Variants in YEATS4 observed in about 807,000 individuals in gnomAD.
YEATS4 encodes YEATS domain-containing protein 4.
A neutral mutation model predicts 30.1 loss-of-function variants in YEATS4; 17 were observed. The observed-to-expected ratio is 0.56, with a 90% CI of 0.39 to 0.85. The LOEUF is 0.85. Among genes scored for constraint, YEATS4 ranks in the 40% least tolerant of loss-of-function variants. YEATS4 has a pLI of 0.00. For missense variants in YEATS4, 142 were observed against 268.3 expected, an observed-to-expected ratio of 0.53 and a Z score of 3.29; for synonymous variants, 85 against 87.5, an observed-to-expected ratio of 0.97 and a Z score of 0.16.
intron 6 of YEATS4, among the ~76,000 whole-genome samples, chr12:69,375,167 G>A (rs1331205868): frequency 1.0e-4 from 15 of 148,030 alleles, no homozygotes; most frequent in African/African-American, 3.8e-4. Context: ...CCGGGCGTAG[G>A]GGCTCCTCAC....
rs1875107098 is a variant in YEATS4 at position 69,359,829 on chromosome 12, C to G, written c.-144C>G. 2 of 940,638 alleles carry G rather than the reference C, an allele frequency of 2.1e-6. No individual in the cohort carries two copies. Among genetic ancestry groups the G allele is most frequent in the Non-Finnish European group, 3.2e-6 (2 of 631,768 alleles). 58.3% of individuals were successfully genotyped at this position (940,638 alleles called of 1,614,324 possible). A position where few individuals can be genotyped will look rare whatever the true frequency, so the allele number is the denominator to read the frequency against. On this transcript the variant is annotated 5_prime_UTR_variant, in exon 1 of 7. Transcript: ENST00000247843. ...TGAGGAGTTGACGGTTACTCACCGCCGTGAGCCCAAGTAACTCGCCCTCCT... is the reference window on the plus strand; with the variant it reads ...TGAGGAGTTGACGGTTACTCACCGCGGTGAGCCCAAGTAACTCGCCCTCCT...
chr12:69,376,899 G>C (rs1341314675), intron 6 of YEATS4, among the ~76,000 whole-genome samples: 1 of 152,088 alleles, frequency 6.6e-6, no homozygotes, highest in South Asian at 2.1e-4. Context: ...GGTCTGTTCA[G>C]GTTTTGGATT....
chr12:69,359,767 G>A lies in YEATS4; in HGVS notation c.-206G>A. On this transcript the variant is annotated 5_prime_UTR_variant, in exon 1 of 7. Transcript: ENST00000247843. ...CCTCTTTTCGCGGCGTTCTCCACCT[G>A]CGCGGGCCTGAATGGCCTTCAGGAG... 4 of 590,140 alleles carry A rather than the reference G, an allele frequency of 6.8e-6. No individual in the cohort carries two copies. The South Asian group carries it at 9.0e-5, about 13-fold the overall frequency. 36.6% of individuals were successfully genotyped at this position (590,140 alleles called of 1,614,324 possible).
At chr12:69,366,664 G>T (rs1875446472) in intron 4 of YEATS4, among the ~76,000 whole-genome samples, 1 of 151,994 alleles carries the variant, frequency 6.6e-6, no homozygotes, top group African/African-American at 2.4e-5. Context: ...TGTGGCTGGG[G>T]TTTAACTCCA....
chr12:69,412,710 T>C, the YEATS4 span, among the ~76,000 whole-genome samples: 1 of 151,982 alleles, frequency 6.6e-6, no homozygotes, highest in Non-Finnish European at 1.5e-5. Flanking sequence ...AGTCAAACAC[T>C]GAGAGAGTTG....
At chr12:69,389,890 TTA>T (rs1397083190) in intron 6 of YEATS4, among the ~76,000 whole-genome samples, 1 of 152,078 alleles carries the variant, frequency 6.6e-6, no homozygotes, top group Non-Finnish European at 1.5e-5. Flanking sequence ...AAAAAGGACA[TTA>T]TGTCTTAAAA....
the YEATS4 span, among the ~76,000 whole-genome samples, chr12:69,420,692 A>G: frequency 2.0e-5 from 3 of 152,212 alleles, no homozygotes; most frequent in African/African-American, 7.2e-5. Flanking sequence ...CAGAAGGAAC[A>G]CAGCCAGCAA....
chr12:69,400,110 T>C, the YEATS4 span, among the ~76,000 whole-genome samples: 1 of 152,068 alleles, frequency 6.6e-6, no homozygotes, highest in Non-Finnish European at 1.5e-5. Context: ...TACTTTATGG[T>C]ATGTGAATTA....
the YEATS4 span, among the ~76,000 whole-genome samples, chr12:69,417,400 T>C: frequency 6.6e-6 from 1 of 151,916 alleles, no homozygotes; most frequent in South Asian, 2.1e-4. Flanking sequence ...GCTCAAGTAA[T>C]CCTCCCGCCT....
At chr12:69,381,155 T>G (rs970355604) in intron 6 of YEATS4, among the ~76,000 whole-genome samples, 2 of 152,120 alleles carry the variant, frequency 1.3e-5, no homozygotes, top group Non-Finnish European at 2.9e-5. Flanking sequence ...TACGGGAGAC[T>G]GGGGCTAATT....
At chr12:69,398,037 A>T in the YEATS4 span, among the ~76,000 whole-genome samples, 8 of 152,310 alleles carry the variant, frequency 5.3e-5, no homozygotes, top group East Asian at 3.9e-4. Flanking sequence ...GTTTATAATT[A>T]AAAAAACACT....
the YEATS4 span, among the ~76,000 whole-genome samples, chr12:69,416,830 C>T: frequency 5.9e-5 from 9 of 152,182 alleles, no homozygotes; most frequent in South Asian, 6.2e-4. Flanking sequence ...CCCAGCACTT[C>T]GGGAGGCCGA....
At chr12:69,414,655 T>C in the YEATS4 span, among the ~76,000 whole-genome samples, 1 of 152,244 alleles carries the variant, frequency 6.6e-6, no homozygotes, top group Non-Finnish European at 1.5e-5. Flanking sequence ...TTGAGTTTGC[T>C]TCAAAATAAG....
chr12:69,373,068 G>C (rs747602387), intron 6 of YEATS4, among the ~76,000 whole-genome samples: 27 of 151,938 alleles, frequency 1.8e-4, no homozygotes, highest in Non-Finnish European at 3.5e-4. Context: ...TTCAAATCTT[G>C]GCTATTGTGA....
intron 3 of YEATS4, 25 bp downstream of exon 3, chr12:69,365,724 A>G: frequency 6.2e-7 from 1 of 1,604,716 alleles, no homozygotes; most frequent in East Asian, 2.2e-5. Context: ...TTTGATTCAC[A>G]ATATCCAAAG....
the YEATS4 span, among the ~76,000 whole-genome samples, chr12:69,416,005 T>G: frequency 6.6e-6 from 1 of 152,346 alleles, no homozygotes; most frequent in East Asian, 1.9e-4. Flanking sequence ...TTTGTCATAT[T>G]CTGTCAGCAC....
chr12:69,382,531 C>T (rs184561306), intron 6 of YEATS4, among the ~76,000 whole-genome samples: 1 of 152,216 alleles, frequency 6.6e-6, no homozygotes, highest in Non-Finnish European at 1.5e-5. Flanking sequence ...TTACTTAAGG[C>T]CCAAGGGCTC....
At chr12:69,420,827 C>G in the YEATS4 span, among the ~76,000 whole-genome samples, 1 of 152,184 alleles carries the variant, frequency 6.6e-6, no homozygotes, top group Non-Finnish European at 1.5e-5. Flanking sequence ...TCCCAGCCCC[C>G]AGTGCTCACC....
Position 69,390,792 on chromosome 12 carries a change from TC to T in YEATS4, c.*478del, listed in dbSNP as rs1274810494. On this transcript the variant is annotated 3_prime_UTR_variant, in exon 7 of 7. Coordinates refer to ENST00000247843, the MANE Select transcript of YEATS4 (RefSeq NM_006530.4). ...GTATTCAATAAATGTAGTTTACAGA[TC>T]CTATTTCTCCCTCCTGATGTGTTTC... 1.3e-5 allele frequency: 2 copies of T among 152,300 alleles called. No homozygotes were observed. Among genetic ancestry groups the T allele is most frequent in the Admixed American group, 6.5e-5 (1 of 15,286 alleles). The allele number at this position is 152,300 out of a possible 1,614,324, so 9.4% of individuals were successfully genotyped here. A position where few individuals can be genotyped will look rare whatever the true frequency, so the allele number is the denominator to read the frequency against.
Sources: gnomAD v4.1 joint callset for allele counts (sites outside exome capture counted in the v4.1 genomes callset) on GRCh38, gnomAD v4.1.1 for gene constraint, MANE v1.5 for transcripts, NCBI Gene and HGNC (gene_info 2026-07-23, HGNC 2026-07-21) for gene names.